The following MTCL1 variants were observed in gnomAD, a reference collection of about 807,000 sequenced individuals.
The protein encoded by MTCL1 is microtubule cross-linking factor 1.
MTCL1 carries 79 observed loss-of-function variants against 141.4 expected under a neutral mutation model. The observed-to-expected ratio is 0.56, with a 90% CI of 0.47 to 0.67. The LOEUF is 0.67. MTCL1 is among the 30% of genes least tolerant of loss of function. MTCL1 has a pLI of 0.00. For missense variants in MTCL1, 2,177 were observed against 2,113.9 expected, an observed-to-expected ratio of 1.03 and a Z score of -0.59; for synonymous variants, 914 against 875.8, an observed-to-expected ratio of 1.04 and a Z score of -0.77.
intron 4 of MTCL1, among the ~76,000 whole-genome samples, chr18:8,742,268 A>G (rs1439242194): frequency 6.6e-6 from 1 of 152,124 alleles, no homozygotes; most frequent in Non-Finnish European, 1.5e-5. Flanking sequence ...GACTGCTTTT[A>G]TCTGTTCCCT....
At chr18:8,771,284 C>T (rs1026451737) in intron 4 of MTCL1, among the ~76,000 whole-genome samples, 3 of 151,972 alleles carry the variant, frequency 2.0e-5, no homozygotes, top group Admixed American at 1.3e-4. Context: ...CTCCCATGAC[C>T]GATTTAATAT....
intron 4 of MTCL1, among the ~76,000 whole-genome samples, chr18:8,761,921 A>G (rs983179096): frequency 6.6e-6 from 1 of 152,226 alleles, no homozygotes; most frequent in Non-Finnish European, 1.5e-5. Context: ...ATATCTTCAT[A>G]TAAGGGGAGC....
At position 8,810,592 on chromosome 18, in the gene MTCL1, A is replaced by G. The variant is rs12458945; in HGVS notation, c.2605-2387A>G. Reference sequence around the variant, plus strand: ...GGTTGCTGGAAGCATCTACAGGTGAACAGACGTACGTGCGAGGGGCTCAGC... The same window carrying G: ...GGTTGCTGGAAGCATCTACAGGTGAGCAGACGTACGTGCGAGGGGCTCAGC... On this transcript the variant is annotated intron_variant, in intron 11 of 16. Transcript: ENST00000359865. This position sits in a 1 kb window ranked among gnomAD's most constrained non-coding sequence, Gnocchi z 5.0. 0.091 allele frequency among the ~76,000 whole-genome samples: 13,839 copies of G among 152,210 alleles called. 749 individuals are homozygous for G. Among genetic ancestry groups the G allele is most frequent in the Middle Eastern group, 0.13 (37 of 294 alleles).
At chr18:8,714,571 A>C (rs913608203), upstream of MTCL1, among the ~76,000 whole-genome samples, 28 of 152,190 alleles carry the variant, frequency 1.8e-4, no homozygotes, top group Admixed American at 1.4e-3. Context: ...TATTACATGG[A>C]GGCACGTAAG....
chr18:8,803,284 A>G (rs1205932966), intron 10 of MTCL1, among the ~76,000 whole-genome samples: 1 of 152,030 alleles, frequency 6.6e-6, no homozygotes, highest in Non-Finnish European at 1.5e-5. Context: ...CCAGGATCTC[A>G]CTTCCTTGAC....
chr18:8,750,293 G>C (rs534080179), intron 4 of MTCL1, among the ~76,000 whole-genome samples: 1 of 152,152 alleles, frequency 6.6e-6, no homozygotes, highest in South Asian at 2.1e-4. Context: ...TGATCTGCCC[G>C]CCTCAGCCTC....
At chr18:8,725,788 TTC>T (rs1367451394) in intron 4 of MTCL1, among the ~76,000 whole-genome samples, 646 of 39,606 alleles carry the variant, frequency 0.016, 71 homozygotes, top group African/African-American at 0.098. Context: ...TTTTTTTTTT[TTC>T]TTTTTTTTTT....
At chr18:8,797,974 G>A in intron 9 of MTCL1, 123 bp from the exon 9 acceptor site, 2 of 946,004 alleles carry the variant, frequency 2.1e-6, no homozygotes, top group Non-Finnish European at 3.0e-6. Context: ...TTAGGGGTAA[G>A]GACTGAGAAG....
intron 8 of MTCL1, among the ~76,000 whole-genome samples, chr18:8,795,134 C>T (rs190129139): frequency 4.6e-5 from 7 of 152,296 alleles, no homozygotes; most frequent in African/African-American, 1.4e-4. Flanking sequence ...ATTAGGTGAG[C>T]GGCCACGCAA....
At chr18:8,750,624 G>T (rs954671057) in intron 4 of MTCL1, among the ~76,000 whole-genome samples, 1 of 152,192 alleles carries the variant, frequency 6.6e-6, no homozygotes, top group Non-Finnish European at 1.5e-5. Flanking sequence ...CTTCCTTGGG[G>T]TTACCAACCT....
At chr18:8,706,336 C>T (rs1402849851) in exon 1 of MTCL1, 6 of 1,230,624 alleles carry the variant, frequency 4.9e-6, no homozygotes, top group Non-Finnish European at 4.1e-6. Flanking sequence ...CGAGCAGCGC[C>T]TGCTCCCTGC....
At chr18:8,825,247 C>T in exon 15 of MTCL1, 1 of 1,593,320 alleles carries the variant, frequency 6.3e-7, no homozygotes, top group Non-Finnish European at 8.5e-7. Context: ...CCCAGGCACT[C>T]CCGGGACTAT....
At chr18:8,718,195 C>A (rs1393943890) in intron 2 of MTCL1, among the ~76,000 whole-genome samples, 1 of 151,964 alleles carries the variant, frequency 6.6e-6, no homozygotes, top group African/African-American at 2.4e-5. Context: ...AATGAATAAT[C>A]CAGTTTTTTA....
chr18:8,758,392 T>A (rs74732785), intron 4 of MTCL1, among the ~76,000 whole-genome samples: 2 of 152,198 alleles, frequency 1.3e-5, no homozygotes, highest in Admixed American at 1.3e-4. Context: ...ACTCATCTAG[T>A]CATGGCTCAC....
chr18:8,715,992 G>A (rs8087976), upstream of MTCL1, among the ~76,000 whole-genome samples: 84,107 of 152,058 alleles, frequency 0.55, 23,835 homozygotes, highest in African/African-American at 0.66. Flanking sequence ...GCTCAGTCCA[G>A]TAACTTCCAG....
Position 8,784,176 on chromosome 18 carries a change from T to A in MTCL1, c.1064T>A (p.Leu355Gln), listed in dbSNP as rs114316007. The A allele has an allele frequency of 1.6e-4, 265 of 1,613,842 alleles. No homozygotes were observed. In the African/African-American group the frequency reaches 3.3e-3, roughly 20 times the overall value. The change falls in exon 6 of 17, where the codon CTG becomes CAG. Residue 355 changes from leucine (L) to glutamine (Q), a missense_variant. By Grantham distance (113) the Leu-to-Gln change is moderately radical. Coordinates refer to ENST00000359865, the Ensembl canonical transcript of MTCL1. ...GAGCTCAGCGGCAAGGTGCTCAAAC[T>A]GCAGCACGAGAACCACGCGCTGCTG... is the stretch of plus-strand genomic sequence containing the variant.
chr18:8,724,303 C>T (rs940606383), intron 4 of MTCL1, among the ~76,000 whole-genome samples: 2 of 151,904 alleles, frequency 1.3e-5, no homozygotes, highest in Non-Finnish European at 2.9e-5. Flanking sequence ...CCCAGCTACT[C>T]GGGAGGCTGA....
intron 4 of MTCL1, among the ~76,000 whole-genome samples, chr18:8,750,655 C>A (rs192408328): frequency 8.9e-4 from 135 of 152,306 alleles, no homozygotes; most frequent in African/African-American, 2.3e-3. Context: ...TGCCTATATC[C>A]AGAGGACACT....
chr18:8,804,159 G>A (rs2076215523), intron 10 of MTCL1, among the ~76,000 whole-genome samples: 1 of 151,908 alleles, frequency 6.6e-6, no homozygotes, highest in South Asian at 2.1e-4. Context: ...CAAAATGTAT[G>A]TGATTATTCA....
Sources: allele counts gnomAD v4.1 joint callset (sites outside exome capture counted in the v4.1 genomes callset), GRCh38; gene constraint gnomAD v4.1.1; non-coding constraint Gnocchi (gnomAD v3.1); transcripts MANE v1.5; gene names NCBI Gene and HGNC (gene_info 2026-07-23, HGNC 2026-07-21).